The following PRKACB variants were observed in gnomAD, a reference collection of about 807,000 sequenced individuals.
The protein encoded by PRKACB is cAMP-dependent protein kinase catalytic subunit beta.
Under a neutral mutation model 51.4 loss-of-function variants are expected in PRKACB, and 16 were observed. The observed-to-expected ratio is 0.31, with a 90% CI of 0.21 to 0.47. The LOEUF (loss-of-function observed/expected upper bound fraction) is 0.47. Among genes scored for constraint, PRKACB ranks in the 20% least tolerant of loss-of-function variants. The pLI is 1.00. For missense variants in PRKACB, 309 were observed against 464.5 expected, an observed-to-expected ratio of 0.67 and a Z score of 3.08; for synonymous variants, 147 against 154.4, an observed-to-expected ratio of 0.95 and a Z score of 0.35.
intron 8 of PRKACB, among the ~76,000 whole-genome samples, chr1:84,209,719 C>T (rs1418712183): frequency 6.6e-6 from 1 of 152,126 alleles, no homozygotes; most frequent in Admixed American, 6.5e-5. Flanking sequence ...AAGGATCACT[C>T]GGTTGCTAAG....
chr1:84,080,439 T>C (rs1266919275), intron 1 of PRKACB, among the ~76,000 whole-genome samples: 1 of 152,208 alleles, frequency 6.6e-6, no homozygotes, highest in Non-Finnish European at 1.5e-5. Context: ...CAGCTTTTTG[T>C]GTAACTTTAT....
intron 1 of PRKACB, among the ~76,000 whole-genome samples, chr1:84,136,450 A>G (rs988757002): frequency 1.3e-5 from 2 of 151,568 alleles, no homozygotes; most frequent in Non-Finnish European, 2.9e-5. Context: ...CAAATTAAAA[A>G]CAATGAGATA....
intron 7 of PRKACB, among the ~76,000 whole-genome samples, chr1:84,202,417 G>T (rs997248455): frequency 1.3e-5 from 2 of 151,858 alleles, no homozygotes; most frequent in African/African-American, 4.8e-5. Flanking sequence ...AAATTTCATT[G>T]TCTATAATAT....
chr1:84,149,697 G>C (rs1169006745), intron 1 of PRKACB, among the ~76,000 whole-genome samples: 1 of 151,862 alleles, frequency 6.6e-6, no homozygotes. Context: ...TGGCCATCTA[G>C]GCTGTTTTTA....
chr1:84,164,331 C>G, intron 1 of PRKACB: 1 of 1,543,736 alleles, frequency 6.5e-7, no homozygotes. Context: ...TCAGTGAGGT[C>G]CACAGCTAGC....
chr1:84,234,015 C>T (rs1449785623), intron 9 of PRKACB, among the ~76,000 whole-genome samples: 43 of 148,824 alleles, frequency 2.9e-4, no homozygotes, highest in African/African-American at 5.5e-4. Flanking sequence ...TCCAGTTTTT[C>T]TGCTCTGTTT....
chr1:84,203,219 G>C (rs1241754422), intron 8 of PRKACB, among the ~76,000 whole-genome samples: 1 of 151,964 alleles, frequency 6.6e-6, no homozygotes, highest in African/African-American at 2.4e-5. Flanking sequence ...AACATTGGAA[G>C]TAAAAGTAAA....
At chr1:84,149,334 G>A (rs1521519) in intron 1 of PRKACB, among the ~76,000 whole-genome samples, 5,735 of 151,592 alleles carry the variant, frequency 0.038, 144 homozygotes, top group Middle Eastern at 0.1. Flanking sequence ...ATTTCGACTC[G>A]CTGCAGCCTC....
At chr1:84,079,575 A>G (rs891409225) in intron 1 of PRKACB, among the ~76,000 whole-genome samples, 1 of 152,182 alleles carries the variant, frequency 6.6e-6, no homozygotes, top group African/African-American at 2.4e-5. Flanking sequence ...GGAGCTTCAG[A>G]AAAGTTTGAT....
chr1:84,106,021 C>T (rs1649716110), intron 1 of PRKACB, among the ~76,000 whole-genome samples: 1 of 151,840 alleles, frequency 6.6e-6, no homozygotes, highest in Non-Finnish European at 1.5e-5. Context: ...ATTTACATTA[C>T]AGTATAATAG....
At chr1:84,134,773 T>C (rs1221485984) in intron 1 of PRKACB, among the ~76,000 whole-genome samples, 2 of 152,122 alleles carry the variant, frequency 1.3e-5, no homozygotes, top group Admixed American at 1.3e-4. Flanking sequence ...TAAACATCCA[T>C]TAAAAGACAG....
chr1:84,114,764 C>T (rs933331710), intron 1 of PRKACB, among the ~76,000 whole-genome samples: 3 of 152,038 alleles, frequency 2.0e-5, no homozygotes, highest in Non-Finnish European at 4.4e-5. Flanking sequence ...ATTTTAGCTC[C>T]CACATATAAA....
intron 3 of PRKACB, 74 bp downstream of exon 3, chr1:84,182,402 T>C: frequency 8.6e-7 from 1 of 1,166,088 alleles, no homozygotes; most frequent in Non-Finnish European, 1.1e-6. Flanking sequence ...ACAGATTCAG[T>C]ATAATGACTT....
intron 8 of PRKACB, chr1:84,204,790 A>G: frequency 1.1e-6 from 1 of 894,974 alleles, no homozygotes; most frequent in Non-Finnish European, 1.4e-6. Context: ...TAACAAGGAT[A>G]CTGTCATAAC....
chr1:84,157,254 A>G (rs1408298767), intron 1 of PRKACB: 1 of 152,158 alleles, frequency 6.6e-6, no homozygotes, highest in Non-Finnish European at 1.5e-5. Context: ...ATTTTGTTAG[A>G]TCATTCCCCT....
At chr1:84,136,846 A>G (rs1177431593) in intron 1 of PRKACB, among the ~76,000 whole-genome samples, 1 of 152,164 alleles carries the variant, frequency 6.6e-6, no homozygotes, top group Non-Finnish European at 1.5e-5. Flanking sequence ...GCTTTGTGTC[A>G]CCACCCAAAT....
intron 1 of PRKACB, among the ~76,000 whole-genome samples, chr1:84,164,022 C>T (rs1656651288): frequency 6.6e-6 from 1 of 151,904 alleles, no homozygotes; most frequent in African/African-American, 2.4e-5. Flanking sequence ...GCAATAATTG[C>T]CAGTAACTTT....
At chr1:84,187,978 A>G (rs1162956944) in intron 5 of PRKACB, among the ~76,000 whole-genome samples, 12 of 152,102 alleles carry the variant, frequency 7.9e-5, no homozygotes, top group African/African-American at 2.9e-4. Flanking sequence ...AGCCTTAGTA[A>G]TATAATCAGT....
intron 1 of PRKACB, chr1:84,164,764 T>G: frequency 7.2e-7 from 1 of 1,381,008 alleles, no homozygotes; most frequent in Non-Finnish European, 9.4e-7. Flanking sequence ...TTCAGTCTAG[T>G]TATAGACATC....
Sources: gnomAD v4.1 joint callset for allele counts (sites outside exome capture counted in the v4.1 genomes callset) on GRCh38, gnomAD v4.1.1 for gene constraint, MANE v1.5 for transcripts, NCBI Gene and HGNC (gene_info 2026-07-23, HGNC 2026-07-21) for gene names.